The following PPP2R3A variants were observed in gnomAD, a reference collection of about 807,000 sequenced individuals.
The protein encoded by PPP2R3A is protein phosphatase 2 regulatory subunit B''alpha, also known as serine/threonine-protein phosphatase 2A regulatory subunit B'' subunit alpha.
PPP2R3A carries 80 observed loss-of-function variants against 106.9 expected under a neutral mutation model. The ratio of observed to expected loss-of-function variants is 0.75; its 90% confidence interval spans 0.62 to 0.90. The LOEUF is 0.90. Among genes scored for constraint, PPP2R3A ranks in the 40% least tolerant of loss-of-function variants. PPP2R3A has a pLI of 0.00. For missense variants in PPP2R3A, 1,386 were observed against 1,350.4 expected, an observed-to-expected ratio of 1.03 and a Z score of -0.41; for synonymous variants, 483 against 468.3, an observed-to-expected ratio of 1.03 and a Z score of -0.41.
chr3:136,047,904 CAAA>C (rs1168406998), intron 4 of PPP2R3A, among the ~76,000 whole-genome samples: 2 of 104,768 alleles, frequency 1.9e-5, no homozygotes. Flanking sequence ...GACTCCGTCT[CAAA>C]AAAAAAAAAA....
chr3:135,992,591 T>G (rs1044610796), intron 1 of PPP2R3A, among the ~76,000 whole-genome samples: 8 of 152,208 alleles, frequency 5.3e-5, no homozygotes, highest in Admixed American at 5.2e-4. Flanking sequence ...TTATATTAAC[T>G]TCCCAAATTT....
At chr3:136,128,430 A>T (rs1441437644) in intron 13 of PPP2R3A, among the ~76,000 whole-genome samples, 3 of 152,186 alleles carry the variant, frequency 2.0e-5, no homozygotes, top group African/African-American at 7.2e-5. Flanking sequence ...GAAGGCCATT[A>T]CATAATGGTA....
At chr3:136,004,586 T>C (rs1415555587) in intron 2 of PPP2R3A, among the ~76,000 whole-genome samples, 1 of 152,232 alleles carries the variant, frequency 6.6e-6, no homozygotes, top group Non-Finnish European at 1.5e-5. Context: ...GAGCTATATG[T>C]ATCAACATGT....
At chr3:136,054,167 A>G (rs1935776731) in intron 5 of PPP2R3A, among the ~76,000 whole-genome samples, 2 of 151,882 alleles carry the variant, frequency 1.3e-5, no homozygotes, top group East Asian at 3.9e-4. Flanking sequence ...AATGTGAATT[A>G]TATAATTCCC....
intron 9 of PPP2R3A, among the ~76,000 whole-genome samples, chr3:136,089,575 T>C (rs936034537): frequency 1.3e-5 from 2 of 151,950 alleles, no homozygotes; most frequent in Admixed American, 6.6e-5. Context: ...ACTTTGTTTT[T>C]GGTTCCATAT....
At chr3:136,051,986 A>G (rs944389660) in intron 5 of PPP2R3A, among the ~76,000 whole-genome samples, 1 of 152,164 alleles carries the variant, frequency 6.6e-6, no homozygotes. Context: ...CACCTGCTAC[A>G]TGGTTTTGTT....
intron 8 of PPP2R3A, among the ~76,000 whole-genome samples, chr3:136,085,499 C>T (rs1400765141): frequency 6.6e-6 from 1 of 151,872 alleles, no homozygotes; most frequent in Non-Finnish European, 1.5e-5. Context: ...AGGCTGGTCT[C>T]GAACTCTTGG....
At chr3:136,062,933 A>G (rs984285285) in intron 5 of PPP2R3A, among the ~76,000 whole-genome samples, 4 of 152,192 alleles carry the variant, frequency 2.6e-5, no homozygotes, top group Admixed American at 2.0e-4. Flanking sequence ...TAAAGTTCGT[A>G]TGGAACCAAA....
At chr3:136,115,769 A>G (rs1297986856) in intron 13 of PPP2R3A, among the ~76,000 whole-genome samples, 2 of 152,140 alleles carry the variant, frequency 1.3e-5, no homozygotes, top group Non-Finnish European at 2.9e-5. Flanking sequence ...TCTACGTTTG[A>G]TTGGTGAACC....
chr3:136,112,331 AAGAG>A (rs1409931110), intron 13 of PPP2R3A, among the ~76,000 whole-genome samples: 1 of 152,150 alleles, frequency 6.6e-6, no homozygotes, highest in African/African-American at 2.4e-5. Flanking sequence ...TCAAAATAGG[AAGAG>A]AGAAAGTCAA....
chr3:136,041,238 G>GTT lies in PPP2R3A; in HGVS notation c.2366+286_2366+287dup, dbSNP rs67116006. Among the ~76,000 whole-genome samples the GTT allele has an allele frequency of 8.4e-3, 776 of 92,546 alleles. 34 individuals are homozygous for GTT. Among genetic ancestry groups the GTT allele is most frequent in the African/African-American group, 0.014 (312 of 22,050 alleles). The allele number at this position is 92,546 out of a possible 152,430, so 60.7% of individuals were successfully genotyped here. On this transcript the variant is annotated intron_variant, in intron 4 of 13. Transcript: ENST00000264977. ...TTATTAGTTTTACTTGGTTTTTCTT[G>GTT]TTTTTTTTTTTGTTTTTTTTTTTGT...
chr3:136,039,992 G>T (rs1935209832), intron 3 of PPP2R3A, among the ~76,000 whole-genome samples: 1 of 152,006 alleles, frequency 6.6e-6, no homozygotes, highest in Non-Finnish European at 1.5e-5. Context: ...ATAAATTATA[G>T]CATTTTACCT....
chr3:136,028,937 C>T (rs1187739021), intron 3 of PPP2R3A, among the ~76,000 whole-genome samples: 3 of 152,248 alleles, frequency 2.0e-5, no homozygotes, highest in South Asian at 4.1e-4. Context: ...ACCACAATCT[C>T]CACCTCCCAG....
chr3:136,025,645 T>A (rs1934620720), intron 2 of PPP2R3A, among the ~76,000 whole-genome samples: 1 of 152,112 alleles, frequency 6.6e-6, no homozygotes, highest in African/African-American at 2.4e-5. Flanking sequence ...TGTTAAGAAA[T>A]ATGATAAATA....
chr3:136,011,314 CTA>C (rs1934065704), intron 2 of PPP2R3A, among the ~76,000 whole-genome samples: 1 of 152,006 alleles, frequency 6.6e-6, no homozygotes, highest in South Asian at 2.1e-4. Flanking sequence ...AATGAAACCT[CTA>C]TGAGAACAGG....
chr3:135,984,915 C>T lies in PPP2R3A; in HGVS notation c.-440-16144C>T, dbSNP rs376306717. Among the ~76,000 whole-genome samples, 10 of 152,080 alleles carry T rather than the reference C, an allele frequency of 6.6e-5. No homozygotes were observed. The East Asian group carries it at 1.5e-3, about 24-fold the overall frequency. On this transcript the variant is annotated intron_variant, in intron 1 of 13. Coordinates refer to ENST00000264977, the MANE Select transcript of PPP2R3A (RefSeq NM_002718.5). ...TCGTGGATGGTGCCAGGCACCACCA[C>T]GAGAGTTTGTGCAGAGAAACTCCCA... is the stretch of plus-strand genomic sequence containing the variant.
At chr3:136,115,165 G>A (rs1051826872) in intron 13 of PPP2R3A, among the ~76,000 whole-genome samples, 1 of 152,328 alleles carries the variant, frequency 6.6e-6, no homozygotes, top group South Asian at 2.1e-4. Flanking sequence ...CACACCTGCA[G>A]CAGAGGGGCC....
In PPP2R3A at chr3:136,147,522, G is replaced by A. The variant is rs1939185490; in HGVS notation, c.*2356G>A. 6.6e-6 allele frequency: 1 copy of A among 152,544 alleles called. No homozygotes were observed. Among genetic ancestry groups the A allele is most frequent in the Admixed American group, 6.5e-5 (1 of 15,276 alleles). 9.4% of individuals were successfully genotyped at this position (152,544 alleles called of 1,614,324 possible). A position where few individuals can be genotyped will look rare whatever the true frequency, so the allele number is the denominator to read the frequency against. On this transcript the variant is annotated 3_prime_UTR_variant, in exon 14 of 14. Transcript: ENST00000264977. ...GAATGCAAGGAATGTGAATTCTGAG[G>A]AATTAAGGTAGAATATATTTGACTT... is the stretch of plus-strand genomic sequence containing the variant.
chr3:136,012,372 C>T (rs1224681140), intron 2 of PPP2R3A, among the ~76,000 whole-genome samples: 5 of 152,132 alleles, frequency 3.3e-5, no homozygotes, highest in African/African-American at 1.2e-4. Flanking sequence ...AGCAAAAACA[C>T]CAGATTTTGT....
Sources: gnomAD v4.1 joint callset for allele counts (sites outside exome capture counted in the v4.1 genomes callset) on GRCh38, gnomAD v4.1.1 for gene constraint, MANE v1.5 for transcripts, NCBI Gene and HGNC (gene_info 2026-07-23, HGNC 2026-07-21) for gene names.